Variants in MEI1 observed in about 807,000 individuals in gnomAD.
MEI1 encodes meiosis inhibitor protein 1.
In MEI1, 103 loss-of-function variants were observed where a neutral mutation model predicts 146.2. That is an observed-to-expected ratio of 0.70 (90% CI 0.60 to 0.83). The LOEUF (loss-of-function observed/expected upper bound fraction) is 0.83. Ranked by LOEUF, MEI1 falls within the 40% of genes least tolerant of loss-of-function variation. MEI1 has a pLI of 0.00. For missense variants in MEI1, 1,529 were observed against 1,533.0 expected, an observed-to-expected ratio of 1.00 and a Z score of 0.04; for synonymous variants, 652 against 628.2, an observed-to-expected ratio of 1.04 and a Z score of -0.57.
intron 26 of MEI1, among the ~76,000 whole-genome samples, chr22:41,792,650 G>T (rs1312720206): frequency 2.0e-5 from 3 of 152,052 alleles, no homozygotes; most frequent in Admixed American, 2.0e-4. Context: ...TGGTTATGGG[G>T]GTGATAAGTG....
rs553938683 is a variant in MEI1, at chr22:41,756,477, C to CT, written c.1952-1879dup. The stretch of plus-strand genomic sequence containing the variant: ...ACTCTGAAGTCAGTCTTTTTCTTTC[C>CT]TTTTTTTTTGTTTTGGGACAGCGTC... On this transcript the variant is annotated intron_variant, in intron 17 of 30. Coordinates refer to ENST00000401548, the MANE Select transcript of MEI1 (RefSeq NM_152513.4). Among the ~76,000 whole-genome samples, 8 of 147,892 alleles carry CT rather than the reference C, an allele frequency of 5.4e-5. No homozygotes were observed. The South Asian group carries it at 1.1e-3, about 20-fold the overall frequency.
chr22:41,752,662 TC>T lies in MEI1; in HGVS notation c.1853+14del. On this transcript the variant is annotated intron_variant, in intron 16 of 30. Coordinates refer to ENST00000401548, the MANE Select transcript of MEI1 (RefSeq NM_152513.4). Reference sequence around the variant, plus strand: ...TTGCAGTGGTCTGAGGTATGTGTGGTCCCAGGCAAGATTGAGTGGCCAAGGG... The same window carrying T: ...TTGCAGTGGTCTGAGGTATGTGTGGTCCAGGCAAGATTGAGTGGCCAAGGG... 6.3e-7 allele frequency: 1 copy of T among 1,587,800 alleles called. No individual in the cohort carries two copies. Among genetic ancestry groups the T allele is most frequent in the Non-Finnish European group, 8.6e-7 (1 of 1,166,868 alleles).
chr22:41,714,133 G>A (rs1035856001), intron 4 of MEI1, 58 bp downstream of exon 4: 15 of 1,489,642 alleles, frequency 1.0e-5, no homozygotes, highest in Admixed American at 2.0e-5. Flanking sequence ...TCAGAGCTGG[G>A]TCAACCCTTT....
At chr22:41,735,788 A>G (rs1601826383) in intron 11 of MEI1, among the ~76,000 whole-genome samples, 1 of 152,234 alleles carries the variant, frequency 6.6e-6, no homozygotes, top group Non-Finnish European at 1.5e-5. Context: ...GCTCTTTAAC[A>G]CCTATGAACT....
At chr22:41,794,984 G>C (rs529817241) in intron 28 of MEI1, among the ~76,000 whole-genome samples, 2 of 152,358 alleles carry the variant, frequency 1.3e-5, no homozygotes, top group Non-Finnish European at 2.9e-5. Context: ...AAAGAGGAAA[G>C]AGTAATTGCT....
rs759466117 is a variant in MEI1 at position 41,745,862 on chromosome 22, A to G, written c.1539-23A>G. On this transcript the variant is annotated intron_variant, in intron 13 of 30. Transcript: ENST00000401548. ...TTAGGTTGCATAGGTGGTAGTGGAT[A>G]TACTCACACATTGATTTCTTAGGTT... 6 of 1,591,012 alleles carry G rather than the reference A, an allele frequency of 3.8e-6. No homozygotes were observed. In the South Asian group the frequency reaches 6.7e-5, roughly 18 times the overall value.
intron 19 of MEI1, among the ~76,000 whole-genome samples, chr22:41,768,516 T>C (rs1422820423): frequency 6.6e-6 from 1 of 152,152 alleles, no homozygotes; most frequent in Admixed American, 6.6e-5. Context: ...CGCATTCTTA[T>C]AAAGAACTAC....
At chr22:41,747,364 GATTT>G (rs1422347714) in intron 14 of MEI1, 1 of 152,650 alleles carries the variant, frequency 6.6e-6, no homozygotes, top group Non-Finnish European at 1.5e-5. Flanking sequence ...ACCAGTTACA[GATTT>G]ATTTGTTTCT....
At chr22:41,754,248 C>T (rs930408770) in intron 17 of MEI1, among the ~76,000 whole-genome samples, 4 of 152,120 alleles carry the variant, frequency 2.6e-5, no homozygotes, top group African/African-American at 9.7e-5. Flanking sequence ...GAACCCAAGG[C>T]TCCTGGCACC....
intron 5 of MEI1, 123 bp from the exon 6 acceptor site, chr22:41,717,948 C>A: frequency 1.2e-6 from 1 of 812,352 alleles, no homozygotes; most frequent in Non-Finnish European, 1.9e-6. Flanking sequence ...ATGCAGAAAG[C>A]ATTTTTTGTG....
At chr22:41,724,204 T>G in intron 7 of MEI1, 131 bp downstream of exon 7, 1 of 1,156,194 alleles carries the variant, frequency 8.6e-7, no homozygotes, top group South Asian at 1.6e-5. Flanking sequence ...AATAATATAC[T>G]GGCTGGGGGC....
In MEI1 at chr22:41,795,760, A is replaced by T; in HGVS notation, c.3692A>T (p.Asp1231Val). 9.3e-6 allele frequency: 15 copies of T among 1,613,668 alleles called. No individual in the cohort carries two copies. The highest frequency in any genetic ancestry group is 1.3e-5 in the Non-Finnish European group (15 of 1,179,760). Residue 1231 changes from aspartate to valine, a missense_variant, in exon 30 of 31, where the codon GAC (aspartate) becomes GTC (valine). Physicochemically the swap from Asp to Val is radical, Grantham distance 152. Around this residue, in one of 3 missense-constraint regions of MEI1, gnomAD observed 313 missense variants for 337.3 expected, o/e 0.93. Coordinates refer to ENST00000401548, the MANE Select transcript of MEI1 (RefSeq NM_152513.4). This position sits in a 1 kb window ranked among gnomAD's most constrained non-coding sequence, Gnocchi z 4.2. ...CTCCAGAGCATGGGACACCTGGCTGACCACAGCATGGCCCAGACCCTGCAG... is the reference window on the plus strand; with the variant it reads ...CTCCAGAGCATGGGACACCTGGCTGTCCACAGCATGGCCCAGACCCTGCAG... ...QQLQSMGHLA[D>V]HSMAQTLQAS...
At chr22:41,733,840 T>C (rs544276688) in intron 11 of MEI1, among the ~76,000 whole-genome samples, 30 of 151,926 alleles carry the variant, frequency 2.0e-4, no homozygotes, top group African/African-American at 7.2e-4. Context: ...TAAAGTATAC[T>C]GGAGGACCAC....
At chr22:41,710,768 A>T (rs936311334) in intron 3 of MEI1, among the ~76,000 whole-genome samples, 1 of 152,222 alleles carries the variant, frequency 6.6e-6, no homozygotes, top group Non-Finnish European at 1.5e-5. Flanking sequence ...TGGCAGAAGT[A>T]TCATGGTTTG....
rs869223251 is a variant in MEI1 at position 41,793,032 on chromosome 22, C to CTTTTTT, written c.3346-771_3346-766dup. Reference sequence around the variant, plus strand: ...ATCTTCTTTTCTGAAACAAAGCATTCTTTTTTTTTTTTTTTTTTTTTTTTT... The same window carrying CTTTTTT: ...ATCTTCTTTTCTGAAACAAAGCATTCTTTTTTTTTTTTTTTTTTTTTTTTTTTTTTT... On this transcript the variant is annotated intron_variant, in intron 26 of 30. Transcript: ENST00000401548. 1.8e-3 allele frequency among the ~76,000 whole-genome samples: 88 copies of CTTTTTT among 48,444 alleles called. 20 individuals are homozygous for CTTTTTT. The highest frequency in any genetic ancestry group is 0.015 in the East Asian group (14 of 942). 31.8% of individuals were successfully genotyped at this position (48,444 alleles called of 152,430 possible).
chr22:41,709,174 C>T (rs1041147946), intron 3 of MEI1: 18 of 759,242 alleles, frequency 2.4e-5, no homozygotes, highest in Non-Finnish European at 3.8e-5. Flanking sequence ...GTATTTCAAA[C>T]TGTACAGTCA....
Position 41,714,073 on chromosome 22 carries a change from G to C in MEI1, c.421G>C (p.Glu141Gln). 2 of 1,596,490 alleles carry C rather than the reference G, an allele frequency of 1.3e-6. No homozygotes were observed. Among genetic ancestry groups the C allele is most frequent in the Non-Finnish European group, 8.5e-7 (1 of 1,171,310 alleles). Residue 141 changes from glutamate (E) to glutamine (Q), a missense_variant and splice_region_variant, in exon 4 of 31, where the codon GAG (glutamate) becomes CAG (glutamine). Around this residue, in one of 3 missense-constraint regions of MEI1, gnomAD observed 1,212 missense variants for 1,178.9 expected, o/e 1.03. Transcript: ENST00000401548. ...IRCLLDECHKELCNMPSMRGS... is the reference protein window; with the variant it reads ...IRCLLDECHKQLCNMPSMRGS... Reference sequence around the variant, plus strand: ...TTGCCTGCTGGATGAGTGCCACAAAGAGGTCAGAAAATAGCTATGGGTTCT... The same window carrying C: ...TTGCCTGCTGGATGAGTGCCACAAACAGGTCAGAAAATAGCTATGGGTTCT...
chr22:41,752,660 G>A lies in MEI1; in HGVS notation c.1853+9G>A, dbSNP rs920418337. Reference sequence around the variant, plus strand: ...TTTTGCAGTGGTCTGAGGTATGTGTGGTCCCAGGCAAGATTGAGTGGCCAA... The same window carrying A: ...TTTTGCAGTGGTCTGAGGTATGTGTAGTCCCAGGCAAGATTGAGTGGCCAA... On this transcript the variant is annotated intron_variant, in intron 16 of 30. Transcript: ENST00000401548. 2.5e-6 allele frequency: 4 copies of A among 1,588,430 alleles called. No homozygotes were observed. The highest frequency in any genetic ancestry group is 1.7e-6 in the Non-Finnish European group (2 of 1,167,354).
intron 2 of MEI1, among the ~76,000 whole-genome samples, chr22:41,704,379 T>G (rs1296355678): frequency 3.3e-5 from 5 of 149,414 alleles, no homozygotes; most frequent in Admixed American, 6.7e-5. Context: ...GCACATGGGG[T>G]TTTTTTTTGC....
Sources: allele counts gnomAD v4.1 joint callset (sites outside exome capture counted in the v4.1 genomes callset), GRCh38; gene constraint gnomAD v4.1.1; regional missense constraint gnomAD v4.1.1; non-coding constraint Gnocchi (gnomAD v3.1); transcripts MANE v1.5; gene names NCBI Gene and HGNC (gene_info 2026-07-23, HGNC 2026-07-21).